The following GTF3C1 variants were observed in gnomAD, a reference collection of about 807,000 sequenced individuals.
GTF3C1 encodes the protein general transcription factor 3C polypeptide 1.
Under a neutral mutation model 226.7 loss-of-function variants are expected in GTF3C1, and 57 were observed. The ratio of observed to expected loss-of-function variants is 0.25; its 90% CI spans 0.20 to 0.31. GTF3C1 has a LOEUF of 0.31. Ranked by LOEUF, GTF3C1 falls within the 10% of genes least tolerant of loss-of-function variation. The pLI, the probability that GTF3C1 is intolerant of heterozygous loss-of-function variation, is 1.00. For missense variants in GTF3C1, 2,217 were observed against 2,776.1 expected (o/e 0.80, Z 4.53); for synonymous variants, 1,090 against 1,084.8 (o/e 1.00, Z -0.09).
chr16:27,464,743 C>T lies in GTF3C1; in HGVS notation c.5449G>A (p.Val1817Met), dbSNP rs201678843. 135 of 1,593,064 alleles carry T rather than the reference C, an allele frequency of 8.5e-5. No individual in the cohort carries two copies. The highest frequency in any genetic ancestry group is 1.1e-4 in the Non-Finnish European group (124 of 1,177,436). ...GSAWPWLLHS[V>M]RLKDREDADI... ...GCGTCTTCTCTGTCTTTCAGCCGCA[C>T]GGAGTGCAGGAGCCAAGGCCAGGCA... The change falls in exon 34 of 37, where the codon GTG becomes ATG. Residue 1817 changes from valine (V) to methionine (M), a missense_variant. Val to Met is a conservative substitution (Grantham distance 21, BLOSUM62 1). Coordinates refer to ENST00000356183, the MANE Select transcript of GTF3C1 (RefSeq NM_001520.4).
chr16:27,506,641 G>A (rs1325923372), intron 9 of GTF3C1, among the ~76,000 whole-genome samples: 1 of 152,156 alleles, frequency 6.6e-6, no homozygotes, highest in East Asian at 1.9e-4. Context: ...CACGTGCCAC[G>A]AAGAAATGAT....
At chr16:27,499,300 A>G (rs1314413008) in intron 12 of GTF3C1, among the ~76,000 whole-genome samples, 2 of 152,238 alleles carry the variant, frequency 1.3e-5, no homozygotes, top group African/African-American at 4.8e-5. Flanking sequence ...TTATCATTTC[A>G]TGAGAGATAC....
At chr16:27,529,312 A>G (rs919546074) in intron 5 of GTF3C1, among the ~76,000 whole-genome samples, 1 of 152,016 alleles carries the variant, frequency 6.6e-6, no homozygotes, top group African/African-American at 2.4e-5. Flanking sequence ...GTGCGGTGGC[A>G]TATGCCTGTA....
At chr16:27,488,683 C>A (rs756962860) in intron 21 of GTF3C1, 48 bp from the exon 22 acceptor site, 4 of 1,454,788 alleles carry the variant, frequency 2.7e-6, no homozygotes, top group Non-Finnish European at 2.9e-6. Context: ...TTCCACAAAT[C>A]CCCAGCCGCC....
chr16:27,489,882 TG>T (rs1448366924), intron 19 of GTF3C1, 139 bp from the exon 20 acceptor site: 2 of 726,620 alleles, frequency 2.8e-6, no homozygotes, highest in African/African-American at 3.5e-5. Context: ...GGTCTGAGAT[TG>T]GTAAGACCTC....
At chr16:27,496,747 T>C (rs556276747) in intron 14 of GTF3C1, among the ~76,000 whole-genome samples, 1 of 152,318 alleles carries the variant, frequency 6.6e-6, no homozygotes, top group African/African-American at 2.4e-5. Flanking sequence ...TTGATACAAA[T>C]GCGCTGTTGC....
chr16:27,502,480 G>A (rs2088421560), intron 11 of GTF3C1, among the ~76,000 whole-genome samples: 1 of 152,142 alleles, frequency 6.6e-6, no homozygotes, highest in Non-Finnish European at 1.5e-5. Context: ...GCACCACGGA[G>A]AACTAAAAGT....
Position 27,469,295 on chromosome 16 carries a change from G to A in GTF3C1, c.5070C>T (p.Pro1690=), listed in dbSNP as rs772026916. The A allele has an allele frequency of 1.0e-5, 16 of 1,559,558 alleles. No individual in the cohort carries two copies. Among genetic ancestry groups the A allele is most frequent in the East Asian group, 2.4e-5 (1 of 42,142 alleles). The stretch of plus-strand genomic sequence containing the variant: ...AGCACCAGCAGGAGCACTCACCAGC[G>A]GGCCTGAGCCGGGCGGGCACAGGGG... ...RCTPVPARLR[P]AAAPLEELTM... Residue 1690 remains proline (P), a synonymous_variant, in exon 32 of 37, where the codon CCC becomes CCT. Coordinates refer to ENST00000356183, the MANE Select transcript of GTF3C1 (RefSeq NM_001520.4). The surrounding 1 kb of genome is among the most constrained non-coding windows in gnomAD (Gnocchi z 4.5).
At chr16:27,494,155 A>G (rs1200627524) in intron 16 of GTF3C1, among the ~76,000 whole-genome samples, 1 of 152,188 alleles carries the variant, frequency 6.6e-6, no homozygotes, top group African/African-American at 2.4e-5. Flanking sequence ...TAATCCCAGC[A>G]CTTTGGGAGG....
intron 13 of GTF3C1, among the ~76,000 whole-genome samples, chr16:27,498,287 T>C (rs956989720): frequency 8.5e-5 from 13 of 152,192 alleles, no homozygotes; most frequent in Non-Finnish European, 1.5e-4. Flanking sequence ...CTCAGCTCAT[T>C]ACATGGTTTA....
rs756528330 is a variant in GTF3C1, at chr16:27,481,107, G to C, written c.4168C>G (p.Pro1390Ala). ...GCGAACAGCTCCTGGAGTGTGTCTG[G>C]GATTTCAAGGTTAGAATTCCTTAGG... ...SALRNSNLEI[P>A]DTLQELFARY... is the part of the protein sequence containing the mutation. Residue 1390 changes from proline (P) to alanine (A), a missense_variant, in exon 27 of 37, where the codon CCA (proline) becomes GCA (alanine). Around this residue, in one of 12 missense-constraint regions of GTF3C1, gnomAD observed 546 missense variants for 663.0 expected, o/e 0.82. Transcript: ENST00000356183. 1 of 1,614,136 alleles carries C rather than the reference G, an allele frequency of 6.2e-7. No individual in the cohort carries two copies. Among genetic ancestry groups the C allele is most frequent in the South Asian group, 1.1e-5 (1 of 91,084 alleles).
intron 24 of GTF3C1, among the ~76,000 whole-genome samples, chr16:27,484,931 C>T (rs1596624538): frequency 6.6e-6 from 1 of 152,246 alleles, no homozygotes; most frequent in East Asian, 1.9e-4. Context: ...GGCGAGAGTC[C>T]ATCAACACTG....
At chr16:27,511,728 T>C (rs1235215757) in intron 7 of GTF3C1, 21 bp downstream of exon 7, 6 of 1,611,108 alleles carry the variant, frequency 3.7e-6, no homozygotes, top group Non-Finnish European at 5.1e-6. Flanking sequence ...ATATCCAAGC[T>C]GGCATGGGAA....
In GTF3C1 at chr16:27,473,109, C is replaced by T. The variant is rs146602936; in HGVS notation, c.4354-1189G>A. ...TTTTTTGTAGAGATGGGTTTTTCAC[C>T]ATGTTGCCCAGGCTGGTCTCAAACT... On this transcript the variant is annotated intron_variant, in intron 29 of 36. Transcript: ENST00000356183. Among the ~76,000 whole-genome samples the T allele has an allele frequency of 1.2e-3, 182 of 152,224 alleles. 1 individual carries two copies. The highest frequency in any genetic ancestry group is 4.2e-3 in the African/African-American group (173 of 41,552).
At chr16:27,514,672 G>A (rs2088629307) in intron 6 of GTF3C1, among the ~76,000 whole-genome samples, 1 of 152,128 alleles carries the variant, frequency 6.6e-6, no homozygotes, top group African/African-American at 2.4e-5. Context: ...TAGGCTCCCC[G>A]TGTACCCTAT....
At chr16:27,526,377 C>T (rs1268245331) in intron 6 of GTF3C1, among the ~76,000 whole-genome samples, 1 of 152,188 alleles carries the variant, frequency 6.6e-6, no homozygotes, top group East Asian at 1.9e-4. Flanking sequence ...GCACAGTGCC[C>T]AGTCTCCAGC....
In GTF3C1 at chr16:27,464,590, T is replaced by C; in HGVS notation, c.5602A>G (p.Ser1868Gly). Residue 1868 changes from serine to glycine, a missense_variant, in exon 34 of 37, where the codon AGT (serine) becomes GGT (glycine). Transcript: ENST00000356183. ...TCGGCGTCGGTCTCCCCATTCTCAC[T>C]GGCCCAGCTGGCGCGCCTCTTGGTG... ...RGTKRRASWA[S>G]ENGETDAEGT... The C allele has an allele frequency of 4.7e-6, 7 of 1,490,960 alleles. No homozygotes were observed. The highest frequency in any genetic ancestry group is 1.4e-5 in the African/African-American group (1 of 69,770). The allele number at this position is 1,490,960 out of a possible 1,614,324, so 92.4% of individuals were successfully genotyped here.
At position 27,533,579 on chromosome 16, in the gene GTF3C1, G is replaced by C. The variant is rs530855520; in HGVS notation, c.753-192C>G. 2.0e-5 allele frequency among the ~76,000 whole-genome samples: 3 copies of C among 152,326 alleles called. No individual in the cohort carries two copies. The East Asian group carries it at 5.8e-4, about 29-fold the overall frequency. ...AGGTGGAGAGACTGTGGCTGTGAGA[G>C]GTTCTGTCACGTCCAAGGCCACCTT... On this transcript the variant is annotated intron_variant, in intron 4 of 36. Coordinates refer to ENST00000356183, the MANE Select transcript of GTF3C1 (RefSeq NM_001520.4).
intron 6 of GTF3C1, among the ~76,000 whole-genome samples, chr16:27,521,520 T>C (rs978705219): frequency 4.6e-5 from 7 of 152,228 alleles, no homozygotes; most frequent in African/African-American, 1.7e-4. Context: ...TGGTCCTTCC[T>C]GGGGGAGATC....
Sources: gnomAD v4.1 joint callset for allele counts (sites outside exome capture counted in the v4.1 genomes callset) on GRCh38, gnomAD v4.1.1 for gene constraint, gnomAD v4.1.1 regional missense constraint, Gnocchi (gnomAD v3.1) non-coding constraint, MANE v1.5 for transcripts, NCBI Gene and HGNC (gene_info 2026-07-23, HGNC 2026-07-21) for gene names.